Variants in EPHX2 observed in about 807,000 individuals in gnomAD.
EPHX2 encodes bifunctional epoxide hydrolase 2.
Under a neutral mutation model 78.7 loss-of-function variants are expected in EPHX2, and 74 were observed. The observed-to-expected ratio is 0.94, with a 90% CI of 0.78 to 1.14. The LOEUF is 1.14. Among genes scored for constraint, EPHX2 ranks in the 50% most tolerant of loss-of-function variants. The pLI is 0.00. For missense variants in EPHX2, 715 were observed against 702.5 expected (o/e 1.02, Z -0.20); for synonymous variants, 251 against 255.2 (o/e 0.98, Z 0.16).
chr8:27,493,351 G>A (rs1031518582), intron 1 of EPHX2, among the ~76,000 whole-genome samples: 2 of 152,194 alleles, frequency 1.3e-5, no homozygotes, highest in African/African-American at 4.8e-5. Flanking sequence ...CCTCCCCTAA[G>A]AAGGTGCAAA....
intron 12 of EPHX2, among the ~76,000 whole-genome samples, chr8:27,526,319 C>T (rs1297009614): frequency 6.6e-6 from 1 of 152,204 alleles, no homozygotes. Flanking sequence ...CTTTGCGATT[C>T]AGGCAATAAC....
Position 27,503,762 on chromosome 8 carries a change from A to G in EPHX2, c.345A>G (p.Lys115=), listed in dbSNP as rs372389894. ...AGGCAGCTCTCATGCTCAGGAAGAA[A>G]GGTAAGGATCTGATACTGGCCAATC... ...MLQAALMLRK[K]GFTTAILTNT... Residue 115 remains lysine, a splice_region_variant and synonymous_variant, in exon 3 of 19, where the codon AAA becomes AAG. Coordinates refer to ENST00000521400, the MANE Select transcript of EPHX2 (RefSeq NM_001979.6). 6.2e-7 allele frequency: 1 copy of G among 1,610,480 alleles called. No individual in the cohort carries two copies. Among genetic ancestry groups the G allele is most frequent in the African/African-American group, 1.3e-5 (1 of 74,888 alleles).
intron 11 of EPHX2, among the ~76,000 whole-genome samples, chr8:27,523,918 C>T (rs1297342094): frequency 6.7e-6 from 1 of 149,524 alleles, no homozygotes; most frequent in East Asian, 2.0e-4. Flanking sequence ...CTCAAATTCA[C>T]CCCCTTTTCT....
intron 5 of EPHX2, among the ~76,000 whole-genome samples, chr8:27,510,940 A>G (rs2132734635): frequency 6.6e-6 from 1 of 152,116 alleles, no homozygotes. Context: ...CAGAGCAGAG[A>G]CCCCCAAAAA....
intron 12 of EPHX2, 106 bp from the exon 13 acceptor site, chr8:27,536,677 TG>T: frequency 9.1e-7 from 1 of 1,094,996 alleles, no homozygotes; most frequent in Non-Finnish European, 1.4e-6. Context: ...AAACTTGGGC[TG>T]GATGGGGCAC....
chr8:27,505,738 T>G (rs890565779), intron 4 of EPHX2, among the ~76,000 whole-genome samples: 1 of 152,198 alleles, frequency 6.6e-6, no homozygotes, highest in African/African-American at 2.4e-5. Flanking sequence ...CCATGCTGCA[T>G]CCTGGGACCT....
At chr8:27,526,376 G>A (rs1459702240) in intron 12 of EPHX2, among the ~76,000 whole-genome samples, 2 of 152,210 alleles carry the variant, frequency 1.3e-5, no homozygotes, top group South Asian at 2.1e-4. Flanking sequence ...AAGAGACCTC[G>A]ACATGTCGCA....
Position 27,544,507 on chromosome 8 carries a change from G to C in EPHX2, c.1653G>C (p.Val551=). The stretch of plus-strand genomic sequence containing the variant: ...ATTCTGATGCCCGGAACCCACCGGT[G>C]GTCTCAAAGATGTAGAACGCAGCGT... ...WLDSDARNPP[V]VSKM Residue 551 remains valine, a synonymous_variant, in exon 19 of 19, where the codon GTG becomes GTC. Coordinates refer to ENST00000521400, the MANE Select transcript of EPHX2 (RefSeq NM_001979.6). 1 of 1,613,910 alleles carries C rather than the reference G, an allele frequency of 6.2e-7. No individual in the cohort carries two copies. The highest frequency in any genetic ancestry group is 8.5e-7 in the Non-Finnish European group (1 of 1,180,030).
intron 12 of EPHX2, among the ~76,000 whole-genome samples, chr8:27,526,333 A>G (rs1814845274): frequency 1.3e-5 from 2 of 152,302 alleles, no homozygotes; most frequent in South Asian, 4.1e-4. Flanking sequence ...CAATAACTGG[A>G]CTCATTCACC....
intron 12 of EPHX2, among the ~76,000 whole-genome samples, chr8:27,535,356 G>A (rs1014639827): frequency 6.6e-6 from 1 of 151,946 alleles, no homozygotes; most frequent in East Asian, 1.9e-4. Flanking sequence ...TGTATTTTTG[G>A]TAGAGACGGG....
chr8:27,503,003 A>AC (rs894446688), intron 2 of EPHX2, among the ~76,000 whole-genome samples: 2 of 152,062 alleles, frequency 1.3e-5, no homozygotes, highest in African/African-American at 4.8e-5. Flanking sequence ...TGAAATCCTA[A>AC]CCCCCAAGGT....
At chr8:27,537,943 C>T (rs72477573) in intron 13 of EPHX2, among the ~76,000 whole-genome samples, 3,968 of 152,228 alleles carry the variant, frequency 0.026, 172 homozygotes, top group African/African-American at 0.09. Flanking sequence ...TTCAATTGGG[C>T]TTGAGGAAAT....
chr8:27,512,272 C>T (rs192766275), intron 6 of EPHX2, among the ~76,000 whole-genome samples: 96 of 152,340 alleles, frequency 6.3e-4, no homozygotes, highest in Middle Eastern at 6.8e-3. Context: ...TGTGGCCAAA[C>T]CCCCATAGAA....
downstream of EPHX2, among the ~76,000 whole-genome samples, chr8:27,546,047 T>C (rs944586423): frequency 6.7e-6 from 1 of 150,022 alleles, no homozygotes; most frequent in African/African-American, 2.5e-5. Context: ...TTCTGGCTCC[T>C]AAGGCTGAGC....
At chr8:27,492,400 T>C (rs1354872473) in intron 1 of EPHX2, among the ~76,000 whole-genome samples, 2 of 152,144 alleles carry the variant, frequency 1.3e-5, no homozygotes, top group Admixed American at 6.5e-5. Context: ...CCCCAGCTAC[T>C]TGGGAGGCTA....
chr8:27,494,587 G>A (rs779310963), intron 1 of EPHX2, among the ~76,000 whole-genome samples: 5 of 152,206 alleles, frequency 3.3e-5, no homozygotes, highest in Admixed American at 6.5e-5. Context: ...GCATATGGGC[G>A]AAGTCTAACT....
In EPHX2 at chr8:27,491,174, T is replaced by G; in HGVS notation, c.-35T>G. The G allele has an allele frequency of 1.3e-6, 2 of 1,547,124 alleles. No homozygotes were observed. Among genetic ancestry groups the G allele is most frequent in the Non-Finnish European group, 1.7e-6 (2 of 1,153,774 alleles). On this transcript the variant is annotated 5_prime_UTR_variant, in exon 1 of 19. Transcript: ENST00000521400. ...GCCTTCGCGCATCTCCCAGGTTAGCTGCGTGTCCGGGTGCTAGGCTGCAGA... is the reference window on the plus strand; with the variant it reads ...GCCTTCGCGCATCTCCCAGGTTAGCGGCGTGTCCGGGTGCTAGGCTGCAGA...
chr8:27,492,548 A>G (rs1180610147), intron 1 of EPHX2, among the ~76,000 whole-genome samples: 1 of 152,242 alleles, frequency 6.6e-6, no homozygotes, highest in East Asian at 1.9e-4. Flanking sequence ...ACTCGTAAAG[A>G]TGGCGCAGAC....
chr8:27,497,908 G>C (rs528301291), intron 1 of EPHX2, among the ~76,000 whole-genome samples: 1 of 152,282 alleles, frequency 6.6e-6, no homozygotes, highest in South Asian at 2.1e-4. Context: ...ACGGCTTGTT[G>C]ACCGGTAGGG....
Sources: gnomAD v4.1 joint callset for allele counts (sites outside exome capture counted in the v4.1 genomes callset) on GRCh38, gnomAD v4.1.1 for gene constraint, MANE v1.5 for transcripts, NCBI Gene and HGNC (gene_info 2026-07-23, HGNC 2026-07-21) for gene names.